EYS: variants seen among roughly 807,000 people sequenced by gnomAD.
EYS encodes the protein protein eyes shut homolog.
Under a neutral mutation model 282.1 loss-of-function variants are expected in EYS, and 250 were observed. The ratio of observed to expected loss-of-function variants is 0.89; its 90% CI spans 0.80 to 0.98. The LOEUF is 0.98. EYS is among the 50% of genes least tolerant of loss of function. The probability of loss-of-function intolerance (pLI) is 0.00; values close to 1 mark genes in which losing one functional copy is unlikely to be tolerated. For missense variants in EYS, 4,016 were observed against 3,709.0 expected (o/e 1.08, Z -2.15); for synonymous variants, 1,355 against 1,282.9 (o/e 1.06, Z -1.20).
intron 22 of EYS, among the ~76,000 whole-genome samples, chr6:64,790,088 AC>A (rs1188165345): frequency 6.6e-6 from 1 of 151,898 alleles, no homozygotes; most frequent in African/African-American, 2.4e-5. Context: ...TTTTAAGAAA[AC>A]GTTTATTTGC....
At chr6:64,691,952 G>A (rs1770400343) in intron 22 of EYS, among the ~76,000 whole-genome samples, 1 of 152,070 alleles carries the variant, frequency 6.6e-6, no homozygotes, top group Non-Finnish European at 1.5e-5. Flanking sequence ...ATAGCACAGT[G>A]ACAAACACAC....
At chr6:63,865,159 A>G (rs1772642214) in intron 35 of EYS, among the ~76,000 whole-genome samples, 1 of 152,224 alleles carries the variant, frequency 6.6e-6, no homozygotes, top group Admixed American at 6.5e-5. Context: ...CGCTAGGCCA[A>G]CTGGCCAACC....
chr6:65,357,065 G>A (rs1764512995), intron 8 of EYS, among the ~76,000 whole-genome samples: 1 of 151,944 alleles, frequency 6.6e-6, no homozygotes, highest in Non-Finnish European at 1.5e-5. Context: ...ATGCATCACC[G>A]CTGTATTACA....
intron 14 of EYS, among the ~76,000 whole-genome samples, chr6:64,983,437 T>A (rs73765704): frequency 6.6e-6 from 1 of 151,252 alleles, no homozygotes; most frequent in Non-Finnish European, 1.5e-5. Flanking sequence ...TAAATATATA[T>A]AGCTTCACTC....
intron 8 of EYS, among the ~76,000 whole-genome samples, chr6:65,371,786 G>T (rs1765162285): frequency 6.7e-6 from 1 of 148,870 alleles, no homozygotes; most frequent in Non-Finnish European, 1.5e-5. Context: ...TGTAATGGGG[G>T]AAGTGGGGAC....
At chr6:65,672,200 G>C (rs534088453) in intron 1 of EYS, among the ~76,000 whole-genome samples, 3 of 152,058 alleles carry the variant, frequency 2.0e-5, no homozygotes, top group East Asian at 1.9e-4. Flanking sequence ...TCTGACTTTC[G>C]GGAGGAGCTG....
At chr6:63,736,424 C>T (rs576244758) in intron 41 of EYS, among the ~76,000 whole-genome samples, 1 of 152,072 alleles carries the variant, frequency 6.6e-6, no homozygotes, top group South Asian at 2.1e-4. Flanking sequence ...TCTGAGGGCT[C>T]TGTTCTGTTC....
At chr6:64,712,518 G>T (rs1495530) in intron 22 of EYS, among the ~76,000 whole-genome samples, 104,331 of 152,102 alleles carry the variant, frequency 0.69, 37,752 homozygotes, top group Non-Finnish European at 0.8. Flanking sequence ...CACAAGCAAG[G>T]AATGTTAAAG....
intron 22 of EYS, among the ~76,000 whole-genome samples, chr6:64,721,099 G>A (rs1771563986): frequency 6.6e-6 from 1 of 152,106 alleles, no homozygotes; most frequent in South Asian, 2.1e-4. Context: ...TCTATTCTGG[G>A]CCTGGGGATT....
At chr6:64,438,272 TTTG>T (rs1404235936) in intron 27 of EYS, among the ~76,000 whole-genome samples, 1 of 151,786 alleles carries the variant, frequency 6.6e-6, no homozygotes, top group African/African-American at 2.4e-5. Context: ...CCAAGGAGTT[TTTG>T]TTAACTCAGT....
intron 5 of EYS, among the ~76,000 whole-genome samples, chr6:65,424,578 C>G (rs1767592098): frequency 6.6e-6 from 1 of 151,940 alleles, no homozygotes; most frequent in Non-Finnish European, 1.5e-5. Context: ...TATATTACAT[C>G]AAATCTAACT....
intron 16 of EYS, among the ~76,000 whole-genome samples, chr6:64,908,018 A>G (rs1290762672): frequency 6.6e-6 from 1 of 152,150 alleles, no homozygotes; most frequent in Non-Finnish European, 1.5e-5. Context: ...AAATCATGCG[A>G]AACATAACTA....
At chr6:63,947,909 C>A (rs1276111612) in intron 35 of EYS, among the ~76,000 whole-genome samples, 1 of 152,008 alleles carries the variant, frequency 6.6e-6, no homozygotes, top group Non-Finnish European at 1.5e-5. Context: ...ATTATTTAGG[C>A]CAATATAGCA....
At chr6:65,599,974 A>C (rs1285393801) in intron 2 of EYS, among the ~76,000 whole-genome samples, 1 of 152,046 alleles carries the variant, frequency 6.6e-6, no homozygotes, top group Non-Finnish European at 1.5e-5. Flanking sequence ...ATCACTGCTG[A>C]TTCTGTATCG....
chr6:64,850,474 T>C (rs1765849602), intron 19 of EYS, among the ~76,000 whole-genome samples: 1 of 151,942 alleles, frequency 6.6e-6, no homozygotes, highest in Non-Finnish European at 1.5e-5. Flanking sequence ...TGAGATATGG[T>C]AGAAGTTAAT....
chr6:64,235,432 T>C (rs990897079), intron 30 of EYS, among the ~76,000 whole-genome samples: 4 of 152,044 alleles, frequency 2.6e-5, no homozygotes, highest in Non-Finnish European at 4.4e-5. Context: ...TCATTTTTTA[T>C]GGCTGCATAG....
At chr6:64,057,482 CA>C (rs940223146) in intron 33 of EYS, among the ~76,000 whole-genome samples, 5 of 149,684 alleles carry the variant, frequency 3.3e-5, no homozygotes, top group African/African-American at 1.2e-4. Context: ...TTCAATTTTT[CA>C]AAAGCAAGGT....
chr6:64,929,296 A>G lies in EYS; in HGVS notation c.2381+16497T>C, dbSNP rs114077210. 3.7e-3 allele frequency among the ~76,000 whole-genome samples: 562 copies of G among 152,282 alleles called. 5 individuals carry two copies. The highest frequency in any genetic ancestry group is 0.011 in the South Asian group (55 of 4,830). On this transcript the variant is annotated intron_variant, in intron 15 of 42. Coordinates refer to ENST00000503581, the MANE Select transcript of EYS (RefSeq NM_001142800.2). ...CGGCAAAGTAATACAGAAGGTATAC[A>G]GGGAGCTTTTTACAATTACTATGAT...
intron 22 of EYS, among the ~76,000 whole-genome samples, chr6:64,699,283 T>G (rs780483293): frequency 6.6e-6 from 1 of 152,034 alleles, no homozygotes; most frequent in East Asian, 1.9e-4. Flanking sequence ...TGATAACTTA[T>G]GAACACAAAG....
Sources: gnomAD v4.1 joint callset for allele counts (sites outside exome capture counted in the v4.1 genomes callset) on GRCh38, gnomAD v4.1.1 for gene constraint, MANE v1.5 for transcripts, NCBI Gene and HGNC (gene_info 2026-07-23, HGNC 2026-07-21) for gene names.